NXPE2: variants seen among roughly 807,000 people sequenced by gnomAD.
The protein encoded by NXPE2 is neurexophilin and PC-esterase domain family member 2, also known as NXPE family member 2.
NXPE2 carries 34 observed loss-of-function variants against 34.4 expected under a neutral mutation model. That is an observed-to-expected ratio of 0.99 (90% CI 0.75 to 1.31). The LOEUF (loss-of-function observed/expected upper bound fraction) is 1.31, where lower values mean the gene tolerates loss of function less well. Among genes scored for constraint, NXPE2 ranks in the 40% most tolerant of loss-of-function variants. NXPE2 has a pLI of 0.00. For missense variants in NXPE2, 649 were observed against 672.5 expected, an observed-to-expected ratio of 0.97 and a Z score of 0.39; for synonymous variants, 235 against 231.3, an observed-to-expected ratio of 1.02 and a Z score of -0.15.
intron 2 of NXPE2, among the ~76,000 whole-genome samples, chr11:114,681,678 T>G (rs1385334654): frequency 6.6e-6 from 1 of 152,132 alleles, no homozygotes; most frequent in African/African-American, 2.4e-5. Context: ...ATTATAATTA[T>G]TACTGATAAC....
the NXPE2 span, among the ~76,000 whole-genome samples, chr11:114,539,232 A>G: frequency 1.4e-5 from 2 of 146,960 alleles, no homozygotes; most frequent in African/African-American, 5.0e-5. Flanking sequence ...GAATTGAACA[A>G]TGAGAACACA....
the NXPE2 span, among the ~76,000 whole-genome samples, chr11:114,532,306 C>G: frequency 6.6e-6 from 1 of 152,054 alleles, no homozygotes; most frequent in Admixed American, 6.6e-5. Context: ...CAATGCCAAC[C>G]AAGAAATAGA....
chr11:114,745,697 A>T, the NXPE2 span, among the ~76,000 whole-genome samples: 1 of 152,178 alleles, frequency 6.6e-6, no homozygotes, highest in Non-Finnish European at 1.5e-5. Flanking sequence ...GTCAACTGTG[A>T]CTTTAAATTC....
chr11:114,497,622 G>A, the NXPE2 span, among the ~76,000 whole-genome samples: 13 of 152,220 alleles, frequency 8.5e-5, no homozygotes, highest in Non-Finnish European at 1.9e-4. Flanking sequence ...TATAGCCTAG[G>A]TGTGTGGTAG....
the NXPE2 span, among the ~76,000 whole-genome samples, chr11:114,612,672 G>A: frequency 5.8e-3 from 872 of 151,494 alleles, 7 homozygotes; most frequent in African/African-American, 0.019. Flanking sequence ...TGGATAATAC[G>A]TGTTGTCTCA....
the NXPE2 span, among the ~76,000 whole-genome samples, chr11:114,612,974 G>A: frequency 1.3e-5 from 2 of 151,682 alleles, no homozygotes; most frequent in Non-Finnish European, 2.9e-5. Context: ...TTGTTGCCTT[G>A]CGAGTAACCA....
At chr11:114,638,875 C>CT in the NXPE2 span, among the ~76,000 whole-genome samples, 6 of 151,466 alleles carry the variant, frequency 4.0e-5, no homozygotes, top group African/African-American at 1.5e-4. Flanking sequence ...TCTGCCCCTA[C>CT]TGGGGGGTGC....
At chr11:114,794,715 G>T in the NXPE2 span, among the ~76,000 whole-genome samples, 17 of 152,144 alleles carry the variant, frequency 1.1e-4, no homozygotes, top group Non-Finnish European at 2.1e-4. Context: ...TCCTATCATA[G>T]AATAGGAAAT....
At chr11:114,491,609 C>T in the NXPE2 span, among the ~76,000 whole-genome samples, 1 of 152,108 alleles carries the variant, frequency 6.6e-6, no homozygotes, top group African/African-American at 2.4e-5. Flanking sequence ...GGCGATTCCT[C>T]AGGGATCTAG....
At chr11:114,553,387 C>G in the NXPE2 span, among the ~76,000 whole-genome samples, 2 of 152,258 alleles carry the variant, frequency 1.3e-5, no homozygotes, top group East Asian at 1.9e-4. Context: ...TCCTGACAAC[C>G]AAGCAGTTCT....
At chr11:114,541,827 C>T in the NXPE2 span, among the ~76,000 whole-genome samples, 1 of 152,106 alleles carries the variant, frequency 6.6e-6, no homozygotes, top group Admixed American at 6.6e-5. Context: ...ACAAAAGAAC[C>T]AAACAATATC....
intron 2 of NXPE2, among the ~76,000 whole-genome samples, chr11:114,683,016 C>T (rs903331073): frequency 1.3e-5 from 2 of 151,886 alleles, no homozygotes; most frequent in African/African-American, 4.8e-5. Flanking sequence ...ATTAAATAAA[C>T]CCCTTAAGAA....
At chr11:114,718,235 T>G in the NXPE2 span, among the ~76,000 whole-genome samples, 1 of 152,230 alleles carries the variant, frequency 6.6e-6, no homozygotes, top group Non-Finnish European at 1.5e-5. Context: ...GTTATTTAAC[T>G]TCTCTGTATT....
chr11:114,695,310 T>G (rs1951229093), intron 2 of NXPE2, among the ~76,000 whole-genome samples: 1 of 152,182 alleles, frequency 6.6e-6, no homozygotes, highest in Non-Finnish European at 1.5e-5. Context: ...GGAAGCATTC[T>G]GTAGTACTGT....
the NXPE2 span, among the ~76,000 whole-genome samples, chr11:114,811,391 A>C: frequency 1.3e-5 from 2 of 152,126 alleles, no homozygotes; most frequent in Non-Finnish European, 2.9e-5. Context: ...TAAAGACCAC[A>C]CACACAAAAA....
chr11:114,811,115 C>T, the NXPE2 span, among the ~76,000 whole-genome samples: 1 of 141,938 alleles, frequency 7.0e-6, no homozygotes, highest in Non-Finnish European at 1.5e-5. Context: ...TGTTCTTGCT[C>T]ATAGGTGGGA....
the NXPE2 span, among the ~76,000 whole-genome samples, chr11:114,804,389 T>C: frequency 6.6e-6 from 1 of 152,218 alleles, no homozygotes. Context: ...AGTCTTATCT[T>C]TAAGGAACAT....
At chr11:114,571,982 C>A in the NXPE2 span, among the ~76,000 whole-genome samples, 1 of 152,184 alleles carries the variant, frequency 6.6e-6, no homozygotes, top group Admixed American at 6.5e-5. Flanking sequence ...CAACCAAAGA[C>A]CCTCACAGAG....
At chr11:114,538,042 C>A in the NXPE2 span, among the ~76,000 whole-genome samples, 1 of 152,168 alleles carries the variant, frequency 6.6e-6, no homozygotes. Flanking sequence ...TACAAGGCTA[C>A]AGTAACCAAA....
Sources: allele counts gnomAD v4.1 joint callset (sites outside exome capture counted in the v4.1 genomes callset), GRCh38; gene constraint gnomAD v4.1.1; transcripts MANE v1.5; gene names NCBI Gene and HGNC (gene_info 2026-07-23, HGNC 2026-07-21).